The following TSHZ3 variants were observed in gnomAD, a reference collection of about 807,000 sequenced individuals.
TSHZ3 encodes the protein teashirt homolog 3.
A neutral mutation model predicts 64.5 loss-of-function variants in TSHZ3; 10 were observed. The ratio of observed to expected loss-of-function variants is 0.16; its 90% CI spans 0.10 to 0.26. TSHZ3 has a LOEUF of 0.26. TSHZ3 is among the 10% of genes least tolerant of loss of function. TSHZ3 has a pLI of 1.00. For synonymous variants in TSHZ3, 608 were observed against 593.1 expected (o/e 1.03, Z -0.36); for missense variants, 1,242 against 1,421.7 (o/e 0.87, Z 2.03).
chr19:31,241,160 A>T (rs1031971139), intron 3 of TSHZ3, among the ~76,000 whole-genome samples: 2 of 152,100 alleles, frequency 1.3e-5, no homozygotes, highest in Non-Finnish European at 2.9e-5. Context: ...ATGTGTGCAC[A>T]TGTTTATTAG....
chr19:31,305,373 C>T (rs1185710150), intron 1 of TSHZ3: 1 of 151,670 alleles, frequency 6.6e-6, no homozygotes, highest in Non-Finnish European at 1.5e-5. Context: ...CAGTAATTTC[C>T]TTTATGCAAC....
chr19:31,233,602 T>G (rs913677502), intron 3 of TSHZ3, among the ~76,000 whole-genome samples: 7 of 152,152 alleles, frequency 4.6e-5, no homozygotes, highest in African/African-American at 1.7e-4. Context: ...GATGTACAAC[T>G]GGTCATTTTT....
chr19:31,288,504 T>C (rs912906769), intron 1 of TSHZ3, among the ~76,000 whole-genome samples: 1 of 152,104 alleles, frequency 6.6e-6, no homozygotes, highest in Non-Finnish European at 1.5e-5. Context: ...TCAAAAGCCA[T>C]AGCAACCCAA....
intron 5 of TSHZ3, among the ~76,000 whole-genome samples, chr19:31,196,424 G>A (rs1160887587): frequency 6.6e-6 from 1 of 151,948 alleles, no homozygotes; most frequent in African/African-American, 2.4e-5. Context: ...AAGGGAAAGA[G>A]CAATGATTGG....
intron 1 of TSHZ3, among the ~76,000 whole-genome samples, chr19:31,263,517 C>T (rs969867095): frequency 2.0e-5 from 3 of 152,222 alleles, no homozygotes; most frequent in Non-Finnish European, 4.4e-5. Flanking sequence ...GGAGTGCCCC[C>T]GTCCTGCTGG....
intron 5 of TSHZ3, among the ~76,000 whole-genome samples, chr19:31,161,103 C>T (rs11084573): frequency 0.34 from 52,183 of 151,952 alleles, 9,380 homozygotes; most frequent in East Asian, 0.5. Context: ...GTGTGTGTAT[C>T]TCACATGGAA....
intron 1 of TSHZ3, among the ~76,000 whole-genome samples, chr19:31,260,812 G>C (rs1975975276): frequency 6.6e-6 from 1 of 152,198 alleles, no homozygotes; most frequent in African/African-American, 2.4e-5. Flanking sequence ...CCAGGGAAAA[G>C]GAGAGGCAGG....
chr19:31,272,454 A>G (rs536747003), downstream of TSHZ3, among the ~76,000 whole-genome samples: 1 of 152,250 alleles, frequency 6.6e-6, no homozygotes, highest in East Asian at 1.9e-4. Flanking sequence ...ATCAATATAT[A>G]TATTTTTTCC....
At chr19:31,340,921 C>A (rs1269395269) in intron 1 of TSHZ3, among the ~76,000 whole-genome samples, 2 of 152,278 alleles carry the variant, frequency 1.3e-5, no homozygotes, top group Non-Finnish European at 2.9e-5. Flanking sequence ...CAGGGAACCA[C>A]TGCGTTCACC....
rs145232446 is a variant in TSHZ3 at position 31,261,952 on chromosome 19, C to G, written n.64-19077G>C. On this transcript the variant is annotated intron_variant and non_coding_transcript_variant, in intron 1 of 6. Transcript: ENST00000651361. ...CCAATGATTCTCCTATGGTGGCAAACTTATTTCAAAAATTCTGATGAAACA... is the reference window on the plus strand; with the variant it reads ...CCAATGATTCTCCTATGGTGGCAAAGTTATTTCAAAAATTCTGATGAAACA... 2.4e-3 allele frequency among the ~76,000 whole-genome samples: 360 copies of G among 152,270 alleles called. 1 individual carries two copies. The highest frequency in any genetic ancestry group is 4.0e-3 in the Non-Finnish European group (274 of 68,024).
chr19:31,207,212 T>A (rs1280662270), intron 4 of TSHZ3, among the ~76,000 whole-genome samples: 2 of 152,328 alleles, frequency 1.3e-5, no homozygotes, highest in East Asian at 3.9e-4. Context: ...CAAAAGTCTA[T>A]TCCTGCACCA....
chr19:31,349,857 G>A (rs2021655728), upstream of TSHZ3, among the ~76,000 whole-genome samples: 1 of 148,324 alleles, frequency 6.7e-6, no homozygotes, highest in Non-Finnish European at 1.5e-5. Flanking sequence ...CAAGCTTAAA[G>A]GAAAAGGAGA....
At chr19:31,346,518 C>A (rs1361046774) in intron 1 of TSHZ3, among the ~76,000 whole-genome samples, 1 of 152,124 alleles carries the variant, frequency 6.6e-6, no homozygotes, top group Non-Finnish European at 1.5e-5. Flanking sequence ...GGCAAAACAA[C>A]TTTTCTTTTT....
chr19:31,184,826 G>A (rs1419995253), intron 5 of TSHZ3, among the ~76,000 whole-genome samples: 1 of 152,152 alleles, frequency 6.6e-6, no homozygotes, highest in Non-Finnish European at 1.5e-5. Context: ...CTTCCTTACT[G>A]TCAAGAAAGC....
At chr19:31,215,710 C>T (rs772898994) in intron 4 of TSHZ3, among the ~76,000 whole-genome samples, 8 of 151,784 alleles carry the variant, frequency 5.3e-5, no homozygotes, top group Non-Finnish European at 8.8e-5. Context: ...GCCTCTATTA[C>T]AAATAAAAAA....
intron 5 of TSHZ3, among the ~76,000 whole-genome samples, chr19:31,198,861 T>A (rs912728154): frequency 1.3e-5 from 2 of 152,188 alleles, no homozygotes; most frequent in African/African-American, 4.8e-5. Context: ...CCCAACTTGA[T>A]CTATAGACTC....
At chr19:31,328,171 C>T (rs924962198) in intron 1 of TSHZ3, among the ~76,000 whole-genome samples, 4 of 152,232 alleles carry the variant, frequency 2.6e-5, no homozygotes, top group African/African-American at 9.6e-5. Context: ...CCCAGGCCCC[C>T]AGCTAGAATT....
At chr19:31,336,057 T>C (rs1242577531) in intron 1 of TSHZ3, among the ~76,000 whole-genome samples, 1 of 152,204 alleles carries the variant, frequency 6.6e-6, no homozygotes, top group Non-Finnish European at 1.5e-5. Flanking sequence ...CCTTTTTTCC[T>C]CCTGCTAATT....
At chr19:31,339,796 GA>G (rs11386289) in intron 1 of TSHZ3, among the ~76,000 whole-genome samples, 27 of 140,604 alleles carry the variant, frequency 1.9e-4, no homozygotes, top group South Asian at 1.4e-3. Flanking sequence ...TGGCAAAAAG[GA>G]AAAAAAAAAG....
Sources: gnomAD v4.1 joint callset for allele counts (sites outside exome capture counted in the v4.1 genomes callset) on GRCh38, gnomAD v4.1.1 for gene constraint, MANE v1.5 for transcripts, NCBI Gene and HGNC (gene_info 2026-07-23, HGNC 2026-07-21) for gene names.